The following RPH3A variants were observed in gnomAD, a reference collection of about 807,000 sequenced individuals.
The protein encoded by RPH3A is rabphilin 3A, also known as rabphilin-3A.
In RPH3A, 48 loss-of-function variants were observed where a neutral mutation model predicts 102.2. That is an observed-to-expected ratio of 0.47 (90% CI 0.37 to 0.60). The LOEUF is 0.60. Ranked by LOEUF, RPH3A falls within the 20% of genes least tolerant of loss-of-function variation. The pLI, the probability that RPH3A is intolerant of heterozygous loss-of-function variation, is 0.00. For missense variants in RPH3A, 781 were observed against 910.1 expected, an observed-to-expected ratio of 0.86 and a Z score of 1.83; for synonymous variants, 310 against 324.3, an observed-to-expected ratio of 0.96 and a Z score of 0.47.
intron 1 of RPH3A, among the ~76,000 whole-genome samples, chr12:112,641,033 A>G (rs141284300): frequency 9.8e-5 from 15 of 152,348 alleles, no homozygotes; most frequent in South Asian, 4.1e-4. Flanking sequence ...AAGAAACTGG[A>G]CATAGCTGAA....
At chr12:112,825,895 T>G (rs2041861891) in intron 2 of RPH3A, among the ~76,000 whole-genome samples, 1 of 151,588 alleles carries the variant, frequency 6.6e-6, no homozygotes, top group Admixed American at 6.6e-5. Flanking sequence ...AGGAACTATT[T>G]TATTTATTTA....
At position 112,845,118 on chromosome 12, in the gene RPH3A, G is replaced by A. The variant is rs116518259; in HGVS notation, c.84-2578G>A. Among the ~76,000 whole-genome samples, 865 of 152,264 alleles carry A rather than the reference G, an allele frequency of 5.7e-3. 6 individuals carry two copies. The highest frequency in any genetic ancestry group is 0.02 in the African/African-American group (819 of 41,560). ...TCCACTGTATTTAGTTGGTCACACC[G>A]GATCAGCCTTGATTCAGTATGGGAG... On this transcript the variant is annotated intron_variant, in intron 4 of 21. Transcript: ENST00000389385.
At chr12:112,612,958 G>T (rs1375278328) in intron 1 of RPH3A, among the ~76,000 whole-genome samples, 1 of 151,938 alleles carries the variant, frequency 6.6e-6, no homozygotes, top group Non-Finnish European at 1.5e-5. Flanking sequence ...ATTCTGGAAG[G>T]GCTGGCTTGT....
intron 1 of RPH3A, among the ~76,000 whole-genome samples, chr12:112,600,358 T>C (rs929758103): frequency 6.6e-6 from 1 of 152,182 alleles, no homozygotes; most frequent in African/African-American, 2.4e-5. Flanking sequence ...ATAACAACCA[T>C]GACAATTTAC....
intron 1 of RPH3A, among the ~76,000 whole-genome samples, chr12:112,605,373 T>TCAAA (rs535018938): frequency 2.4e-4 from 37 of 151,990 alleles, no homozygotes; most frequent in African/African-American, 5.3e-4. Flanking sequence ...AGACTCCATC[T>TCAAA]CAAACAAACA....
At chr12:112,751,697 G>C (rs2136061153) in intron 1 of RPH3A, among the ~76,000 whole-genome samples, 1 of 152,252 alleles carries the variant, frequency 6.6e-6, no homozygotes, top group East Asian at 1.9e-4. Context: ...CAGGAGGATT[G>C]CTTGAGCCCA....
At chr12:112,782,849 G>A (rs1397566923) in intron 1 of RPH3A, among the ~76,000 whole-genome samples, 1 of 152,148 alleles carries the variant, frequency 6.6e-6, no homozygotes, top group Non-Finnish European at 1.5e-5. Flanking sequence ...ATTTGTCATT[G>A]TTGTAAGTGA....
chr12:112,770,089 G>A (rs2136071795), intron 1 of RPH3A, among the ~76,000 whole-genome samples: 1 of 152,190 alleles, frequency 6.6e-6, no homozygotes, highest in Non-Finnish European at 1.5e-5. Flanking sequence ...ATGTATTTCT[G>A]ATATTGTTAA....
chr12:112,586,184 C>T (rs1232480686), intron 1 of RPH3A, among the ~76,000 whole-genome samples: 3 of 152,194 alleles, frequency 2.0e-5, no homozygotes, highest in African/African-American at 2.4e-5. Context: ...GTGCCCTCCA[C>T]GCTTGTATTA....
intron 1 of RPH3A, among the ~76,000 whole-genome samples, chr12:112,786,433 A>G (rs2041052524): frequency 6.6e-6 from 1 of 151,970 alleles, no homozygotes; most frequent in Admixed American, 6.6e-5. Context: ...TACTTGTTCT[A>G]TCTTTGACCG....
In RPH3A at chr12:112,876,717, C is replaced by T; in HGVS notation, c.1022C>T (p.Ala341Val). ...ACAGGGGGAGTCGGGGGCTACCCAGCAGTTGGAGCCAGAGAGGACCGAATG... is the reference window on the plus strand; with the variant it reads ...ACAGGGGGAGTCGGGGGCTACCCAGTAGTTGGAGCCAGAGAGGACCGAATG... Reference protein sequence around the residue: ...ERTGGVGGYPAVGAREDRMSH... With the variant: ...ERTGGVGGYPVVGAREDRMSH... The change falls in exon 13 of 22, where the codon GCA becomes GTA. Residue 341 changes from alanine (A) to valine (V), a missense_variant. Ala to Val is a moderately conservative substitution (Grantham distance 64, BLOSUM62 0). Transcript: ENST00000389385. The T allele has an allele frequency of 6.2e-7, 1 of 1,613,524 alleles. No individual in the cohort carries two copies. The highest frequency in any genetic ancestry group is 8.5e-7 in the Non-Finnish European group (1 of 1,179,740).
intron 19 of RPH3A, 200 bp downstream of exon 19, chr12:112,891,203 T>C: frequency 1.7e-6 from 1 of 604,930 alleles, no homozygotes; most frequent in Non-Finnish European, 2.9e-6. Context: ...AACTGGTGTG[T>C]CACTTGCCCA....
chr12:112,895,932 C>A (rs918347748), intron 21 of RPH3A, 59 bp downstream of exon 21: 20 of 1,182,804 alleles, frequency 1.7e-5, no homozygotes, highest in Non-Finnish European at 2.5e-5. Flanking sequence ...AACAGGAGAG[C>A]CTTATCCAGG....
In RPH3A at chr12:112,867,100, C is replaced by T. The variant is rs1375175811; in HGVS notation, c.444+260C>T. On this transcript the variant is annotated intron_variant, in intron 7 of 21. Transcript: ENST00000389385. ...TGACCCCATTTCTCACCTTATGGGT[C>T]TTCCTCTCCCAACATCTTTCCTTTC... Among the ~76,000 whole-genome samples, 3 of 151,936 alleles carry T rather than the reference C, an allele frequency of 2.0e-5. 1 individual carries two copies. Among genetic ancestry groups the T allele is most frequent in the African/African-American group, 7.3e-5 (3 of 41,326 alleles).
intron 1 of RPH3A, among the ~76,000 whole-genome samples, chr12:112,773,379 T>C (rs147439236): frequency 2.6e-5 from 4 of 152,270 alleles, no homozygotes; most frequent in Non-Finnish European, 5.9e-5. Flanking sequence ...TCCTTTTCCA[T>C]TACAGGGCCT....
At chr12:112,695,718 A>G (rs2040346223) in intron 1 of RPH3A, among the ~76,000 whole-genome samples, 1 of 152,280 alleles carries the variant, frequency 6.6e-6, no homozygotes, top group Non-Finnish European at 1.5e-5. Context: ...GCCCACATTC[A>G]TGGAAGATTT....
At chr12:112,750,172 G>A (rs2040776958) in intron 1 of RPH3A, among the ~76,000 whole-genome samples, 1 of 152,168 alleles carries the variant, frequency 6.6e-6, no homozygotes, top group African/African-American at 2.4e-5. Context: ...TTTGTAGAAT[G>A]TGCCTAAACT....
At chr12:112,805,648 A>AGG (rs777201642) in intron 2 of RPH3A, among the ~76,000 whole-genome samples, 22 of 152,196 alleles carry the variant, frequency 1.4e-4, no homozygotes, top group Admixed American at 3.9e-4. Flanking sequence ...TGAAGAAATA[A>AGG]TATTCCTAAG....
chr12:112,803,579 T>C (rs1303659748), intron 2 of RPH3A, among the ~76,000 whole-genome samples: 4 of 151,658 alleles, frequency 2.6e-5, no homozygotes, highest in African/African-American at 9.7e-5. Context: ...GTTTACACTG[T>C]CTACTTACTA....
Sources: gnomAD v4.1 joint callset for allele counts (sites outside exome capture counted in the v4.1 genomes callset) on GRCh38, gnomAD v4.1.1 for gene constraint, MANE v1.5 for transcripts, NCBI Gene and HGNC (gene_info 2026-07-23, HGNC 2026-07-21) for gene names.